Variants in PANK3 observed in about 807,000 individuals in gnomAD.
PANK3 encodes hPanK3.
PANK3 carries 20 observed loss-of-function variants against 39.4 expected under a neutral mutation model. That is an observed-to-expected ratio of 0.51 (90% CI 0.36 to 0.74). The LOEUF is 0.74. PANK3 is among the 30% of genes least tolerant of loss of function. The probability of loss-of-function intolerance (pLI) is 0.00; values close to 1 mark genes in which losing one functional copy is unlikely to be tolerated. For missense variants in PANK3, 265 were observed against 437.0 expected, an observed-to-expected ratio of 0.61 and a Z score of 3.51; for synonymous variants, 140 against 157.3, an observed-to-expected ratio of 0.89 and a Z score of 0.82.
rs77105202 is a variant in PANK3 at position 168,562,183 on chromosome 5, G to A, written c.813-667C>T. On this transcript the variant is annotated intron_variant, in intron 4 of 6. Transcript: ENST00000239231. Reference sequence around the variant, plus strand: ...ACATACAAAAGACAGCAAGAGAAGCGCTAACAGTAACAGGGAAAAAATCCA... The same window carrying A: ...ACATACAAAAGACAGCAAGAGAAGCACTAACAGTAACAGGGAAAAAATCCA... Among the ~76,000 whole-genome samples the A allele has an allele frequency of 7.2e-5, 11 of 152,144 alleles. No individual in the cohort carries two copies. In the East Asian group the frequency reaches 9.7e-4, roughly 13 times the overall value.
At chr5:168,575,705 G>C (rs1343984948) in intron 1 of PANK3, among the ~76,000 whole-genome samples, 1 of 152,120 alleles carries the variant, frequency 6.6e-6, no homozygotes, top group Non-Finnish European at 1.5e-5. Context: ...AGGATTGCTT[G>C]AGCCTGGCAT....
At chr5:168,563,812 T>C (rs879860062) in intron 4 of PANK3, 77 bp downstream of exon 4, 7 of 1,341,130 alleles carry the variant, frequency 5.2e-6, no homozygotes, top group African/African-American at 1.5e-5. Flanking sequence ...AACTTTCTGT[T>C]ACATTGCTTT....
intron 1 of PANK3, among the ~76,000 whole-genome samples, 182 bp from the exon 2 acceptor site, chr5:168,569,180 GTTTTTT>G (rs544747926): frequency 1.7e-5 from 2 of 115,940 alleles, no homozygotes; most frequent in African/African-American, 3.8e-5. Context: ...TCCCTTCAAA[GTTTTTT>G]TTTTTTTTTT....
intron 1 of PANK3, among the ~76,000 whole-genome samples, chr5:168,572,500 G>A (rs183093096): frequency 1.3e-5 from 2 of 151,702 alleles, no homozygotes; most frequent in African/African-American, 4.9e-5. Context: ...TTGAGGGCAG[G>A]GGGTGGATCT....
At chr5:168,561,547 T>TA in intron 4 of PANK3, 31 bp from the exon 5 acceptor site, 1 of 1,532,540 alleles carries the variant, frequency 6.5e-7, no homozygotes, top group Non-Finnish European at 8.8e-7. Context: ...AAGTCAAATC[T>TA]GCTGATAAAA....
At chr5:168,573,445 A>AAAAAAAAAAAAAAAAAC (rs1759680040) in intron 1 of PANK3, among the ~76,000 whole-genome samples, 1 of 145,428 alleles carries the variant, frequency 6.9e-6, no homozygotes, top group Non-Finnish European at 1.5e-5. Context: ...AAAAAAAAAA[A>AAAAAAAAAAAAAAAAAC]AGGCACAAAG....
At position 168,550,296 on chromosome 5, in the gene PANK3, A is replaced by G. The variant is rs931692877; in HGVS notation, c.*7275T>C. ...TTAAGATAGGCTAGGCTAAGCTGGG[A>G]TGTTCAGTAGGTTAGGCGTATTAAA... On this transcript the variant is annotated 3_prime_UTR_variant, in exon 7 of 7. Coordinates refer to ENST00000239231, the MANE Select transcript of PANK3 (RefSeq NM_024594.4). The G allele has an allele frequency of 6.6e-6, 1 of 152,188 alleles. No individual in the cohort carries two copies. Among genetic ancestry groups the G allele is most frequent in the Admixed American group, 6.5e-5 (1 of 15,284 alleles). The allele number at this position is 152,188 out of a possible 1,614,324, so 9.4% of individuals were successfully genotyped here.
Position 168,570,479 on chromosome 5 carries a change from C to T in PANK3, c.29-1481G>A, listed in dbSNP as rs538248037. Among the ~76,000 whole-genome samples the T allele has an allele frequency of 1.2e-3, 175 of 151,832 alleles. 1 individual carries two copies. Among genetic ancestry groups the T allele is most frequent in the Non-Finnish European group, 1.8e-3 (123 of 67,964 alleles). ...AATGCATATGAATAAAATACCTGCC[C>T]TGAAGGAGCGCTCAATGTAGCAGGG... On this transcript the variant is annotated intron_variant, in intron 1 of 6. Transcript: ENST00000239231.
chr5:168,578,463 T>C (rs555769516), intron 1 of PANK3, among the ~76,000 whole-genome samples: 4 of 152,338 alleles, frequency 2.6e-5, no homozygotes, highest in Non-Finnish European at 5.9e-5. Context: ...TCTGGGAGGC[T>C]ATACTTAAAA....
intron 1 of PANK3, among the ~76,000 whole-genome samples, chr5:168,571,668 A>G (rs1445979348): frequency 6.6e-6 from 1 of 152,238 alleles, no homozygotes; most frequent in Non-Finnish European, 1.5e-5. Context: ...TTTATTTGAT[A>G]TGTGTGTGCA....
chr5:168,565,103 A>G (rs1286679368), intron 3 of PANK3, among the ~76,000 whole-genome samples: 1 of 152,240 alleles, frequency 6.6e-6, no homozygotes, highest in Non-Finnish European at 1.5e-5. Flanking sequence ...TCTTTGGCAT[A>G]GAGAATTACA....
intron 1 of PANK3, among the ~76,000 whole-genome samples, chr5:168,577,767 AATAATCACC>A (rs2113041824): frequency 6.6e-6 from 1 of 152,334 alleles, no homozygotes; most frequent in South Asian, 2.1e-4. Flanking sequence ...GACAAAAGAA[AATAATCACC>A]ACCACAAGAG....
rs929712506 is a variant in PANK3 at position 168,553,280 on chromosome 5, G to A, written c.*4291C>T. 5 of 530,748 alleles carry A rather than the reference G, an allele frequency of 9.4e-6. No individual in the cohort carries two copies. Among genetic ancestry groups the A allele is most frequent in the African/African-American group, 1.9e-5 (1 of 51,374 alleles). The allele number at this position is 530,748 out of a possible 1,614,324, so 32.9% of individuals were successfully genotyped here. On this transcript the variant is annotated 3_prime_UTR_variant, in exon 7 of 7. Transcript: ENST00000239231. ...CTAAAGGTACCCCAAAGGGGAGTAG[G>A]CGAGATCTCTCCAATGTACATGGGC... is the stretch of plus-strand genomic sequence containing the variant.
At chr5:168,564,825 C>T (rs866515164) in intron 3 of PANK3, among the ~76,000 whole-genome samples, 4 of 152,102 alleles carry the variant, frequency 2.6e-5, no homozygotes, top group African/African-American at 7.2e-5. Flanking sequence ...ATATGATACA[C>T]TAATATTTCA....
rs1205033101 is a variant in PANK3, at chr5:168,563,873, C to G, written c.812+16G>C. On this transcript the variant is annotated intron_variant, in intron 4 of 6. Coordinates refer to ENST00000239231, the MANE Select transcript of PANK3 (RefSeq NM_024594.4). ...CTTAACTTCTGTAACTTAAATAACA[C>G]AAATGTTAAACTTACCTAGATGCTA... The G allele has an allele frequency of 6.4e-7, 1 of 1,557,094 alleles. No homozygotes were observed. Among genetic ancestry groups the G allele is most frequent in the Non-Finnish European group, 8.7e-7 (1 of 1,153,652 alleles).
Position 168,553,456 on chromosome 5 carries a change from G to T in PANK3, c.*4115C>A, listed in dbSNP as rs1352777923. 1.5e-5 allele frequency: 6 copies of T among 392,678 alleles called. No homozygotes were observed. Among genetic ancestry groups the T allele is most frequent in the Non-Finnish European group, 3.1e-5 (6 of 193,780 alleles). 24.3% of individuals were successfully genotyped at this position (392,678 alleles called of 1,614,324 possible). A position where few individuals can be genotyped will look rare whatever the true frequency, so the allele number is the denominator to read the frequency against. ...AGCATTGAACTGCACCTGCCAAAGT[G>T]GTTGACAAAGAGTGCAACAGAAAGG... On this transcript the variant is annotated 3_prime_UTR_variant, in exon 7 of 7. Transcript: ENST00000239231.
At chr5:168,573,804 G>A (rs1034204892) in intron 1 of PANK3, among the ~76,000 whole-genome samples, 1 of 151,638 alleles carries the variant, frequency 6.6e-6, no homozygotes, top group Non-Finnish European at 1.5e-5. Flanking sequence ...TACTGAGAAT[G>A]ATGATTTCCA....
intron 5 of PANK3, chr5:168,560,994 A>G: frequency 2.0e-6 from 1 of 495,150 alleles, no homozygotes; most frequent in South Asian, 1.5e-5. Context: ...CAAGAATTTC[A>G]CTAATCAAAT....
Position 168,554,751 on chromosome 5 carries a change from A to G in PANK3, c.*2820T>C, listed in dbSNP as rs973141123. ...TTTATTTTAAAAGTTTCTGATTTGT[A>G]TATCTGTACAGATAAGAATCTTAAT... On this transcript the variant is annotated 3_prime_UTR_variant, in exon 7 of 7. Transcript: ENST00000239231. 3 of 152,210 alleles carry G rather than the reference A, an allele frequency of 2.0e-5. No homozygotes were observed. The highest frequency in any genetic ancestry group is 4.8e-5 in the African/African-American group (2 of 41,448). The allele number at this position is 152,210 out of a possible 1,614,324, so 9.4% of individuals were successfully genotyped here. A position where few individuals can be genotyped will look rare whatever the true frequency, so the allele number is the denominator to read the frequency against.
Sources: allele counts gnomAD v4.1 joint callset (sites outside exome capture counted in the v4.1 genomes callset), GRCh38; gene constraint gnomAD v4.1.1; transcripts MANE v1.5; gene names NCBI Gene and HGNC (gene_info 2026-07-23, HGNC 2026-07-21).